RBFOX1: variants seen among roughly 807,000 people sequenced by gnomAD.
RBFOX1 encodes the protein RNA binding fox-1 homolog 1, also known as RNA binding protein fox-1 homolog 1.
In RBFOX1, 8 loss-of-function variants were observed where a neutral mutation model predicts 57.7. The observed-to-expected ratio is 0.14, with a 90% CI of 0.08 to 0.25. The LOEUF is 0.25. RBFOX1 is among the 10% of genes least tolerant of loss of function. The pLI is 1.00. For synonymous variants in RBFOX1, 326 were observed against 222.4 expected (o/e 1.47, Z -4.15); for missense variants, 611 against 548.5 (o/e 1.11, Z -1.14).
chr16:7,036,177 C>T (rs905131097), intron 3 of RBFOX1, among the ~76,000 whole-genome samples: 3 of 150,178 alleles, frequency 2.0e-5, no homozygotes, highest in Non-Finnish European at 4.4e-5. Context: ...GAGAATTGGT[C>T]CCATGGGACT....
chr16:6,751,294 T>C (rs2074892050), intron 3 of RBFOX1, among the ~76,000 whole-genome samples: 1 of 152,084 alleles, frequency 6.6e-6, no homozygotes, highest in Non-Finnish European at 1.5e-5. Context: ...AGGAGGAAGT[T>C]GGCAGTGGTA....
chr16:5,261,004 G>A (rs1362310000), intron 1 of RBFOX1: 3 of 152,204 alleles, frequency 2.0e-5, no homozygotes, highest in African/African-American at 7.2e-5. Context: ...CGGTCGATTG[G>A]TCATGAACTT....
At chr16:7,691,270 T>C (rs1210392726) in intron 14 of RBFOX1, among the ~76,000 whole-genome samples, 1 of 151,804 alleles carries the variant, frequency 6.6e-6, no homozygotes, top group Non-Finnish European at 1.5e-5. Context: ...TTGAAGAGGG[T>C]GAGTTGTCAA....
At chr16:7,205,209 C>A (rs982010655) in intron 4 of RBFOX1, among the ~76,000 whole-genome samples, 1 of 151,902 alleles carries the variant, frequency 6.6e-6, no homozygotes, top group African/African-American at 2.4e-5. Flanking sequence ...TTGGAAAACT[C>A]CAGTTGAGTG....
At chr16:6,890,575 A>C (rs1283501355) in intron 3 of RBFOX1, among the ~76,000 whole-genome samples, 4 of 152,216 alleles carry the variant, frequency 2.6e-5, no homozygotes, top group Non-Finnish European at 5.9e-5. Context: ...TGAGGATGGT[A>C]AAGTGATAGA....
chr16:6,721,733 T>A (rs1194294110), intron 3 of RBFOX1: 1 of 152,152 alleles, frequency 6.6e-6, no homozygotes. Flanking sequence ...AATGTATTTG[T>A]TTAATTAATT....
At chr16:5,761,923 A>G (rs1232821983) in intron 3 of RBFOX1, among the ~76,000 whole-genome samples, 1 of 152,102 alleles carries the variant, frequency 6.6e-6, no homozygotes, top group Non-Finnish European at 1.5e-5. Flanking sequence ...AGGAAGTTTC[A>G]ACCCCTCCCA....
chr16:7,700,269 G>T (rs553262402), intron 14 of RBFOX1, among the ~76,000 whole-genome samples: 1 of 152,084 alleles, frequency 6.6e-6, no homozygotes, highest in East Asian at 1.9e-4. Context: ...ACTGTCACTT[G>T]TTTAGTCCTT....
chr16:6,371,955 C>G (rs1345703170), intron 2 of RBFOX1, among the ~76,000 whole-genome samples: 5 of 152,142 alleles, frequency 3.3e-5, no homozygotes, highest in African/African-American at 1.2e-4. Context: ...TATTTTTTGT[C>G]ATCTTTGTAT....
intron 2 of RBFOX1, among the ~76,000 whole-genome samples, chr16:6,516,747 G>A (rs1311291130): frequency 6.6e-6 from 1 of 152,132 alleles, no homozygotes; most frequent in Non-Finnish European, 1.5e-5. Context: ...TTCTCATTGT[G>A]GTTTGGGGTA....
In RBFOX1 at chr16:6,372,422, G is replaced by A. The variant is rs771517697; in HGVS notation, c.-64+55365G>A. 3.9e-4 allele frequency among the ~76,000 whole-genome samples: 59 copies of A among 149,632 alleles called. 2 individuals carry two copies. Among genetic ancestry groups the A allele is most frequent in the Non-Finnish European group, 3.1e-4 (21 of 67,462 alleles). On this transcript the variant is annotated intron_variant, in intron 2 of 15. Transcript: ENST00000550418. ...TGGGTGGAATGGAGAATTGGTGGAA[G>A]AGTATAGTTGGATGGAAGGATAGTT... is the stretch of plus-strand genomic sequence containing the variant.
At chr16:6,933,440 C>T (rs181629603) in intron 3 of RBFOX1, among the ~76,000 whole-genome samples, 34 of 152,368 alleles carry the variant, frequency 2.2e-4, no homozygotes, top group Admixed American at 2.0e-3. Flanking sequence ...TGGCCAGGTG[C>T]AGTGGCTCAT....
intron 4 of RBFOX1, among the ~76,000 whole-genome samples, chr16:5,960,713 C>T (rs575260587): frequency 5.2e-4 from 79 of 152,242 alleles, no homozygotes; most frequent in Admixed American, 8.5e-4. Context: ...AGAGCCCAGC[C>T]GCACCTCCTC....
At chr16:6,449,277 T>C (rs1256127799) in intron 2 of RBFOX1, among the ~76,000 whole-genome samples, 1 of 152,210 alleles carries the variant, frequency 6.6e-6, no homozygotes, top group Non-Finnish European at 1.5e-5. Flanking sequence ...CCGAAAGAAA[T>C]CATGCTTGCT....
Position 6,487,700 on chromosome 16 carries a change from AATATATATATATATATATAT to A in RBFOX1, c.-63-166867_-63-166848del, listed in dbSNP as rs1277585706. On this transcript the variant is annotated intron_variant, in intron 2 of 15. Transcript: ENST00000550418. Reference sequence around the variant, plus strand: ...AAAAAAAAAAAAAAAAAAAAAAAAAAATATATATATATATATATATATATATATATATATATATATATATA... The same window carrying A: ...AAAAAAAAAAAAAAAAAAAAAAAAAAATATATATATATATATATATATATA... 1.8e-3 allele frequency among the ~76,000 whole-genome samples: 29 copies of A among 16,258 alleles called. 1 individual carries two copies. The highest frequency in any genetic ancestry group is 5.0e-3 in the African/African-American group (20 of 3,988). The allele number at this position is 16,258 out of a possible 152,430, so 10.7% of individuals were successfully genotyped here.
At chr16:5,997,929 G>A (rs557298206) in intron 4 of RBFOX1, among the ~76,000 whole-genome samples, 3 of 152,096 alleles carry the variant, frequency 2.0e-5, no homozygotes, top group South Asian at 4.2e-4. Flanking sequence ...TTTGAGTTCC[G>A]ACATCTCTTG....
chr16:5,426,542 CTG>C (rs1239174690), intron 1 of RBFOX1, among the ~76,000 whole-genome samples: 4 of 152,188 alleles, frequency 2.6e-5, no homozygotes, highest in Non-Finnish European at 4.4e-5. Context: ...ATGCCACAGA[CTG>C]TGCAAAAACA....
intron 1 of RBFOX1, among the ~76,000 whole-genome samples, chr16:6,159,458 G>T (rs1172885457): frequency 6.6e-6 from 1 of 152,138 alleles, no homozygotes. Flanking sequence ...TCAAAGATGG[G>T]CATTCTTTGA....
At chr16:6,879,445 T>G (rs962443187) in intron 3 of RBFOX1, among the ~76,000 whole-genome samples, 3 of 152,206 alleles carry the variant, frequency 2.0e-5, no homozygotes, top group Admixed American at 6.5e-5. Context: ...TAAAAACTGT[T>G]CTTTCATCTT....
Sources: allele counts gnomAD v4.1 joint callset (sites outside exome capture counted in the v4.1 genomes callset), GRCh38; gene constraint gnomAD v4.1.1; transcripts MANE v1.5; gene names NCBI Gene and HGNC (gene_info 2026-07-23, HGNC 2026-07-21).